Variants in ATP10B observed in about 807,000 individuals in gnomAD.
ATP10B encodes the protein ATPase phospholipid transporting 10B (putative).
In ATP10B, 122 loss-of-function variants were observed where a neutral mutation model predicts 141.2. The ratio of observed to expected loss-of-function variants is 0.86; its 90% CI spans 0.75 to 1.00. The LOEUF is 1.00. Ranked by LOEUF, ATP10B falls within the 50% of genes least tolerant of loss-of-function variation. The probability of loss-of-function intolerance (pLI) is 0.00; values close to 1 mark genes in which losing one functional copy is unlikely to be tolerated. For missense variants in ATP10B, 1,876 were observed against 1,825.3 expected (o/e 1.03, Z -0.51); for synonymous variants, 685 against 692.0 (o/e 0.99, Z 0.16).
At chr5:160,897,374 C>T in the ATP10B span, among the ~76,000 whole-genome samples, 1 of 152,172 alleles carries the variant, frequency 6.6e-6, no homozygotes, top group Non-Finnish European at 1.5e-5. Flanking sequence ...GTGTAAAAAT[C>T]ACAAGCATTC....
chr5:160,612,554 G>T, intron 18 of ATP10B, 187 bp downstream of exon 18: 1 of 469,552 alleles, frequency 2.1e-6, no homozygotes, highest in African/African-American at 2.0e-5. Flanking sequence ...CCATGTGTGG[G>T]GATGAGATAA....
chr5:160,799,828 A>C (rs1389311923), intron 1 of ATP10B, among the ~76,000 whole-genome samples: 5 of 152,176 alleles, frequency 3.3e-5, no homozygotes, highest in African/African-American at 1.2e-4. Flanking sequence ...TGGAGAAAAT[A>C]ATTTTCCTTC....
chr5:160,609,958 CTT>C (rs2127635953), intron 18 of ATP10B, among the ~76,000 whole-genome samples: 1 of 152,264 alleles, frequency 6.6e-6, no homozygotes, highest in South Asian at 2.1e-4. Flanking sequence ...TAAATCATCT[CTT>C]AATTTACTTA....
At chr5:160,877,003 G>A in the ATP10B span, among the ~76,000 whole-genome samples, 2 of 151,194 alleles carry the variant, frequency 1.3e-5, no homozygotes, top group Non-Finnish European at 1.5e-5. Context: ...CCAATCAACA[G>A]AAAAAGAGGG....
chr5:160,862,975 T>C, the ATP10B span, among the ~76,000 whole-genome samples: 1 of 151,974 alleles, frequency 6.6e-6, no homozygotes, highest in Non-Finnish European at 1.5e-5. Context: ...AGAAACATAG[T>C]GCTTTCTGTT....
intron 10 of ATP10B, among the ~76,000 whole-genome samples, chr5:160,637,903 G>T (rs1759536763): frequency 1.3e-5 from 2 of 152,306 alleles, no homozygotes; most frequent in South Asian, 4.1e-4. Flanking sequence ...TAAAGCAGAT[G>T]ACTAAGGACA....
intron 2 of ATP10B, among the ~76,000 whole-genome samples, chr5:160,784,307 A>C (rs554263078): frequency 1.3e-3 from 199 of 152,274 alleles, no homozygotes; most frequent in African/African-American, 4.4e-3. Flanking sequence ...GGGACAATGA[A>C]TTTGAGAGTC....
chr5:160,615,744 A>T (rs1757958421), intron 17 of ATP10B, 94 bp downstream of exon 17: 1 of 1,482,746 alleles, frequency 6.7e-7, no homozygotes, highest in East Asian at 2.3e-5. Context: ...CTGCTAATGG[A>T]GACATATTAG....
At chr5:160,826,852 G>A (rs963559425) in intron 1 of ATP10B, among the ~76,000 whole-genome samples, 1 of 152,118 alleles carries the variant, frequency 6.6e-6, no homozygotes, top group African/African-American at 2.4e-5. Flanking sequence ...AGTACCCTCA[G>A]GCTTACTAGG....
At chr5:160,724,540 TG>T (rs542521428) in intron 2 of ATP10B, among the ~76,000 whole-genome samples, 55 of 152,328 alleles carry the variant, frequency 3.6e-4, no homozygotes, top group Non-Finnish European at 6.6e-4. Flanking sequence ...ATAATTCCTT[TG>T]TATTTGTATC....
the ATP10B span, among the ~76,000 whole-genome samples, chr5:160,884,101 G>A: frequency 2.8e-3 from 419 of 152,284 alleles, 2 homozygotes; most frequent in Middle Eastern, 6.8e-3. Context: ...ATAATTCACT[G>A]TTGCTACTTT....
intron 1 of ATP10B, among the ~76,000 whole-genome samples, chr5:160,811,178 C>G (rs552978585): frequency 6.6e-6 from 1 of 152,288 alleles, no homozygotes; most frequent in African/African-American, 2.4e-5. Context: ...GTAGCAATAT[C>G]TAGGTAGTAT....
intron 6 of ATP10B, among the ~76,000 whole-genome samples, chr5:160,683,029 A>G: frequency 9.1e-6 from 1 of 110,402 alleles, no homozygotes; most frequent in South Asian, 3.3e-4. Flanking sequence ...ACAGACCAAG[A>G]CTCTGTCCCC....
chr5:160,850,656 C>A (rs1753746121), intron 1 of ATP10B, among the ~76,000 whole-genome samples: 1 of 152,152 alleles, frequency 6.6e-6, no homozygotes, highest in South Asian at 2.1e-4. Context: ...AAAGATAAGG[C>A]TCATCGTTTA....
chr5:160,801,020 A>G (rs990694671), intron 1 of ATP10B, among the ~76,000 whole-genome samples: 3 of 152,080 alleles, frequency 2.0e-5, no homozygotes, highest in Non-Finnish European at 4.4e-5. Context: ...CCAGCCCTCA[A>G]AATCTCCTAG....
the ATP10B span, among the ~76,000 whole-genome samples, chr5:160,909,229 C>T: frequency 6.6e-6 from 1 of 152,098 alleles, no homozygotes; most frequent in African/African-American, 2.4e-5. Context: ...TGTAAGAAGC[C>T]AATTTATCTG....
chr5:160,832,798 G>C (rs182443759), intron 1 of ATP10B, among the ~76,000 whole-genome samples: 2 of 152,126 alleles, frequency 1.3e-5, no homozygotes. Context: ...GTATCATCCC[G>C]GAGGGCACGG....
chr5:160,630,997 C>T (rs1298833545), intron 13 of ATP10B, among the ~76,000 whole-genome samples: 2 of 152,162 alleles, frequency 1.3e-5, no homozygotes, highest in Non-Finnish European at 2.9e-5. Flanking sequence ...AAGAAAATCC[C>T]AGCATCTACA....
intron 7 of ATP10B, among the ~76,000 whole-genome samples, chr5:160,654,546 C>A (rs1488625472): frequency 1.3e-5 from 2 of 152,140 alleles, no homozygotes; most frequent in African/African-American, 4.8e-5. Context: ...CTATCTGGAG[C>A]ACTTACTATG....
Sources: gnomAD v4.1 joint callset for allele counts (sites outside exome capture counted in the v4.1 genomes callset) on GRCh38, gnomAD v4.1.1 for gene constraint, MANE v1.5 for transcripts, NCBI Gene and HGNC (gene_info 2026-07-23, HGNC 2026-07-21) for gene names.